Variants in MEGF10 observed in about 807,000 individuals in gnomAD.
MEGF10 encodes multiple EGF like domains 10.
A neutral mutation model predicts 147.5 loss-of-function variants in MEGF10; 86 were observed. That is an observed-to-expected ratio of 0.58 (90% CI 0.49 to 0.70). The LOEUF is 0.70. Ranked by LOEUF, MEGF10 falls within the 30% of genes least tolerant of loss-of-function variation. MEGF10 has a pLI of 0.00. For synonymous variants in MEGF10, 478 were observed against 525.5 expected, an observed-to-expected ratio of 0.91 and a Z score of 1.24; for missense variants, 1,329 against 1,487.3, an observed-to-expected ratio of 0.89 and a Z score of 1.75.
Position 127,442,895 on chromosome 5 carries a change from C to A in MEGF10, c.2363-103C>A, listed in dbSNP as rs537911736. On this transcript the variant is annotated intron_variant, in intron 18 of 24. Transcript: ENST00000503335. ...GGTACAAGTCAGCCTCAATAGGAAT[C>A]CCCTGAAAGGACTCAGCTCTAGATG... 204 of 1,233,056 alleles carry A rather than the reference C, an allele frequency of 1.7e-4. No homozygotes were observed. The Middle Eastern group carries it at 2.8e-3, about 17-fold the overall frequency. The allele number at this position is 1,233,056 out of a possible 1,614,324, so 76.4% of individuals were successfully genotyped here.
chr5:127,446,476 G>T (rs746241457), intron 20 of MEGF10, among the ~76,000 whole-genome samples: 16 of 152,126 alleles, frequency 1.1e-4, no homozygotes, highest in Non-Finnish European at 1.9e-4. Context: ...AAGGAAAGTT[G>T]CAGAGTAGCT....
Position 127,383,409 on chromosome 5 carries a change from A to C in MEGF10, c.413-13123A>C, listed in dbSNP as rs372475837. ...CTTGAGCTGAGGAGTTCAAGGCTGC[A>C]GTGAGCTAGGCTCATGCCACTGCAC... On this transcript the variant is annotated intron_variant, in intron 5 of 24. Transcript: ENST00000503335. Among the ~76,000 whole-genome samples, 18 of 152,298 alleles carry C rather than the reference A, an allele frequency of 1.2e-4. No individual in the cohort carries two copies. The East Asian group carries it at 3.1e-3, about 26-fold the overall frequency.
chr5:127,358,323 G>A (rs1762348508), intron 4 of MEGF10, among the ~76,000 whole-genome samples: 1 of 152,124 alleles, frequency 6.6e-6, no homozygotes, highest in Non-Finnish European at 1.5e-5. Flanking sequence ...TGGGAAAAGT[G>A]GTACTCTAAT....
intron 5 of MEGF10, among the ~76,000 whole-genome samples, chr5:127,374,690 A>T (rs1449310672): frequency 6.6e-6 from 1 of 152,250 alleles, no homozygotes; most frequent in African/African-American, 2.4e-5. Context: ...TGTTTCCTAG[A>T]TACTAAAGTT....
intron 5 of MEGF10, among the ~76,000 whole-genome samples, chr5:127,395,228 G>A (rs1763856794): frequency 6.6e-6 from 1 of 152,028 alleles, no homozygotes; most frequent in African/African-American, 2.4e-5. Flanking sequence ...TTTTTAGAAT[G>A]TTTGGAATTG....
intron 5 of MEGF10, 81 bp from the exon 6 acceptor site, chr5:127,396,451 C>A: frequency 6.8e-7 from 1 of 1,462,896 alleles, no homozygotes. Flanking sequence ...TGAGAGGTCA[C>A]CAAGCCATTC....
intron 2 of MEGF10, among the ~76,000 whole-genome samples, chr5:127,336,374 T>C (rs146045250): frequency 1.9e-3 from 286 of 152,182 alleles, no homozygotes; most frequent in African/African-American, 6.5e-3. Flanking sequence ...TGAGAGCTCC[T>C]TGAGGGCAGG....
At chr5:127,407,908 A>G (rs970077411) in intron 8 of MEGF10, among the ~76,000 whole-genome samples, 6 of 152,242 alleles carry the variant, frequency 3.9e-5, no homozygotes, top group Non-Finnish European at 8.8e-5. Context: ...AGACATAACT[A>G]TTATTAACAG....
chr5:127,325,508 A>C (rs1277039051), intron 1 of MEGF10, among the ~76,000 whole-genome samples: 1 of 152,018 alleles, frequency 6.6e-6, no homozygotes, highest in Non-Finnish European at 1.5e-5. Context: ...CCACCTATAT[A>C]ATGACCGTGG....
At chr5:127,454,000 G>C (rs1322931267) in intron 22 of MEGF10, among the ~76,000 whole-genome samples, 1 of 152,062 alleles carries the variant, frequency 6.6e-6, no homozygotes, top group Non-Finnish European at 1.5e-5. Context: ...TTTTTTGTGT[G>C]TATCTAGGCT....
At chr5:127,313,031 A>T (rs1408142541) in intron 1 of MEGF10, among the ~76,000 whole-genome samples, 2 of 152,184 alleles carry the variant, frequency 1.3e-5, no homozygotes, top group African/African-American at 2.4e-5. Context: ...CATTAAAGGA[A>T]ATTAATCTAA....
intron 1 of MEGF10, among the ~76,000 whole-genome samples, chr5:127,322,692 A>C (rs562657954): frequency 6.6e-6 from 1 of 152,242 alleles, no homozygotes; most frequent in African/African-American, 2.4e-5. Flanking sequence ...AAAAGTGTCC[A>C]TGTGAAAAAT....
At chr5:127,438,740 A>T (rs1472480144) in intron 17 of MEGF10, among the ~76,000 whole-genome samples, 173 bp downstream of exon 17, 1 of 152,178 alleles carries the variant, frequency 6.6e-6, no homozygotes, top group Non-Finnish European at 1.5e-5. Context: ...GAGCTACTTC[A>T]TTCCAAGTAT....
In MEGF10 at chr5:127,359,053, G is replaced by GT. The variant is rs199971770; in HGVS notation, c.320-10853dup. ...ACAACAGACTATTTCAACACAAGCT[G>GT]TTTTGTTTTTTTTTTTTTCTGTATG... On this transcript the variant is annotated intron_variant, in intron 4 of 24. Coordinates refer to ENST00000503335, the MANE Select transcript of MEGF10 (RefSeq NM_001256545.2). Among the ~76,000 whole-genome samples the GT allele has an allele frequency of 2.0e-3, 297 of 146,482 alleles. 1 individual carries two copies. The highest frequency in any genetic ancestry group is 7.3e-3 in the African/African-American group (281 of 38,622).
At chr5:127,395,786 C>T (rs1763887883) in intron 5 of MEGF10, among the ~76,000 whole-genome samples, 1 of 152,028 alleles carries the variant, frequency 6.6e-6, no homozygotes, top group African/African-American at 2.4e-5. Flanking sequence ...CCTCGTGATC[C>T]TCCCGTCTCG....
upstream of MEGF10, among the ~76,000 whole-genome samples, chr5:127,285,945 G>A (rs188046081): frequency 6.6e-5 from 10 of 152,116 alleles, no homozygotes; most frequent in African/African-American, 1.9e-4. Flanking sequence ...ATTAAAAAAC[G>A]TGGTATATAC....
intron 1 of MEGF10, among the ~76,000 whole-genome samples, chr5:127,310,569 G>A (rs1435933875): frequency 6.6e-6 from 1 of 151,940 alleles, no homozygotes; most frequent in African/African-American, 2.4e-5. Context: ...TCTTTGAAGG[G>A]ATTTTGCTCT....
the MEGF10 span, among the ~76,000 whole-genome samples, chr5:127,241,776 C>A: frequency 0.031 from 4,677 of 151,974 alleles, 116 homozygotes; most frequent in Admixed American, 0.053. Context: ...GGGGATTGTA[C>A]AGTTTTGGTA....
At position 127,440,725 on chromosome 5, in the gene MEGF10, C is replaced by T; in HGVS notation, c.2234-14C>T. 1 of 1,613,380 alleles carries T rather than the reference C, an allele frequency of 6.2e-7. No homozygotes were observed. The highest frequency in any genetic ancestry group is 8.5e-7 in the Non-Finnish European group (1 of 1,179,564). The stretch of plus-strand genomic sequence containing the variant: ...GCAGCCTCTTGACTCCTACTGTCCT[C>T]CCTCCTCCCACAGGATGTCCTCTAG... On this transcript the variant is annotated splice_polypyrimidine_tract_variant and intron_variant, in intron 17 of 24. Coordinates refer to ENST00000503335, the MANE Select transcript of MEGF10 (RefSeq NM_001256545.2).
Sources: allele counts gnomAD v4.1 joint callset (sites outside exome capture counted in the v4.1 genomes callset), GRCh38; gene constraint gnomAD v4.1.1; transcripts MANE v1.5; gene names NCBI Gene and HGNC (gene_info 2026-07-23, HGNC 2026-07-21).